The following NAV3 variants were observed in gnomAD, a reference collection of about 807,000 sequenced individuals.
The protein encoded by NAV3 is pore membrane and/or filament interacting like protein 1.
Under a neutral mutation model 244.7 loss-of-function variants are expected in NAV3, and 87 were observed. The ratio of observed to expected loss-of-function variants is 0.36; its 90% confidence interval spans 0.30 to 0.42. The LOEUF (loss-of-function observed/expected upper bound fraction) is 0.42. Among genes scored for constraint, NAV3 ranks in the 20% least tolerant of loss-of-function variants. NAV3 has a pLI of 1.00. For synonymous variants in NAV3, 1,126 were observed against 1,042.2 expected (o/e 1.08, Z -1.55); for missense variants, 2,663 against 2,893.3 (o/e 0.92, Z 1.83).
rs183058588 is a variant in NAV3, at chr12:77,683,358, C to G, written c.72+111092C>G. ...TTATCTCTGGATACCGTACTTTGTT[C>G]CATTGGTCTTTGTATGTGTTTTTTT... On this transcript the variant is annotated intron_variant, in intron 2 of 8. Transcript: ENST00000550042. Among the ~76,000 whole-genome samples, 77 of 150,910 alleles carry G rather than the reference C, an allele frequency of 5.1e-4. 2 individuals carry two copies. Among genetic ancestry groups the G allele is most frequent in the African/African-American group, 1.8e-3 (73 of 40,796 alleles).
At chr12:78,123,503 C>G (rs77103683) in intron 16 of NAV3, among the ~76,000 whole-genome samples, 3,787 of 149,524 alleles carry the variant, frequency 0.025, 170 homozygotes, top group African/African-American at 0.09. Context: ...TAGGATGTCC[C>G]AATTTGAAAT....
intron 2 of NAV3, among the ~76,000 whole-genome samples, chr12:77,800,276 T>C (rs1253138042): frequency 6.6e-6 from 1 of 152,154 alleles, no homozygotes; most frequent in Non-Finnish European, 1.5e-5. Flanking sequence ...GAAATGAAAG[T>C]GTTCCTAATG....
At chr12:78,185,437 GT>G (rs1323573665) in intron 30 of NAV3, among the ~76,000 whole-genome samples, 163 bp from the exon 31 acceptor site, 1 of 151,830 alleles carries the variant, frequency 6.6e-6, no homozygotes, top group Non-Finnish European at 1.5e-5. Flanking sequence ...CCCAACCACA[GT>G]AATTCATCTT....
intron 1 of NAV3, among the ~76,000 whole-genome samples, chr12:77,844,689 G>T (rs919094405): frequency 1.3e-5 from 2 of 151,496 alleles, no homozygotes; most frequent in Admixed American, 1.3e-4. Flanking sequence ...ATATTTTTTC[G>T]TTGGGCAGAA....
At chr12:77,858,413 A>G (rs985684589) in intron 1 of NAV3, among the ~76,000 whole-genome samples, 1 of 152,066 alleles carries the variant, frequency 6.6e-6, no homozygotes, top group Non-Finnish European at 1.5e-5. Flanking sequence ...CAGAAGTTCA[A>G]CAATGCCTCA....
intron 1 of NAV3, among the ~76,000 whole-genome samples, chr12:77,937,541 C>T (rs1348160528): frequency 1.3e-5 from 2 of 152,092 alleles, no homozygotes; most frequent in African/African-American, 4.8e-5. Context: ...TAAAACAAAA[C>T]CAACGAAATA....
intron 2 of NAV3, among the ~76,000 whole-genome samples, chr12:77,728,108 A>G (rs956005137): frequency 6.6e-6 from 1 of 151,932 alleles, no homozygotes; most frequent in African/African-American, 2.4e-5. Context: ...ATCCTAGTAG[A>G]CATAGCCATG....
At chr12:77,866,707 TA>T (rs1288471119) in intron 1 of NAV3, among the ~76,000 whole-genome samples, 1 of 152,222 alleles carries the variant, frequency 6.6e-6, no homozygotes, top group African/African-American at 2.4e-5. Flanking sequence ...TGGTATATCG[TA>T]ACTGTATATT....
chr12:77,669,863 G>T (rs1411460452), intron 2 of NAV3, among the ~76,000 whole-genome samples: 1 of 151,932 alleles, frequency 6.6e-6, no homozygotes, highest in African/African-American at 2.4e-5. Flanking sequence ...AATATTTAAT[G>T]AACATTCTAC....
intron 5 of NAV3, among the ~76,000 whole-genome samples, chr12:77,990,081 G>T (rs1871184593): frequency 1.1e-5 from 1 of 88,770 alleles, no homozygotes; most frequent in South Asian, 2.9e-4. Context: ...TTTTTAATAT[G>T]CTTCCAATGT....
At chr12:78,140,820 G>A (rs1431903398) in intron 20 of NAV3, among the ~76,000 whole-genome samples, 4 of 129,636 alleles carry the variant, frequency 3.1e-5, no homozygotes, top group Non-Finnish European at 6.6e-5. Flanking sequence ...AAGAACCAGA[G>A]ATGTTTTTTT....
chr12:78,098,917 A>T (rs1396532267), intron 12 of NAV3, among the ~76,000 whole-genome samples: 1 of 150,864 alleles, frequency 6.6e-6, no homozygotes, highest in African/African-American at 2.4e-5. Flanking sequence ...AAATTTTTGA[A>T]TTACTAAAGG....
chr12:78,114,763 T>A (rs1244953757), intron 12 of NAV3, among the ~76,000 whole-genome samples: 1 of 151,930 alleles, frequency 6.6e-6, no homozygotes, highest in Non-Finnish European at 1.5e-5. Context: ...TAGGGAAGGT[T>A]TTTAAAAGAT....
chr12:77,674,213 G>T (rs1310705437), intron 2 of NAV3, among the ~76,000 whole-genome samples: 2 of 152,018 alleles, frequency 1.3e-5, no homozygotes, highest in Non-Finnish European at 1.5e-5. Flanking sequence ...ATGTGGTTTG[G>T]GTCATCTTAA....
chr12:77,690,228 G>C (rs193025106), intron 2 of NAV3, among the ~76,000 whole-genome samples: 2 of 151,870 alleles, frequency 1.3e-5, no homozygotes, highest in Admixed American at 1.3e-4. Context: ...GATGCATATG[G>C]TTCCTACAAA....
intron 9 of NAV3, among the ~76,000 whole-genome samples, chr12:78,042,695 A>G (rs1881074550): frequency 1.3e-5 from 2 of 152,304 alleles, no homozygotes; most frequent in East Asian, 3.9e-4. Context: ...AGGCCGAAGC[A>G]GGGGAATCGC....
intron 1 of NAV3, among the ~76,000 whole-genome samples, chr12:77,887,943 G>A (rs1015373002): frequency 1.3e-5 from 2 of 151,296 alleles, no homozygotes; most frequent in Non-Finnish European, 2.9e-5. Context: ...ATATCTAAGA[G>A]GGAAAAAAGA....
At chr12:78,096,450 C>T (rs1373166227) in intron 12 of NAV3, among the ~76,000 whole-genome samples, 1 of 152,104 alleles carries the variant, frequency 6.6e-6, no homozygotes, top group African/African-American at 2.4e-5. Context: ...TCTCAGGCTG[C>T]TAATAAAGAC....
At chr12:77,859,630 T>A (rs530222545) in intron 1 of NAV3, among the ~76,000 whole-genome samples, 149 of 135,234 alleles carry the variant, frequency 1.1e-3, no homozygotes, top group Non-Finnish European at 1.8e-3. Flanking sequence ...AAAAAAAAAA[T>A]CAAAGTGAAA....
Sources: allele counts gnomAD v4.1 joint callset (sites outside exome capture counted in the v4.1 genomes callset), GRCh38; gene constraint gnomAD v4.1.1; transcripts MANE v1.5; gene names NCBI Gene and HGNC (gene_info 2026-07-23, HGNC 2026-07-21).